The following EXOC2 variants were observed in gnomAD, a reference collection of about 807,000 sequenced individuals.
EXOC2 encodes the protein exocyst complex component 2.
Under a neutral mutation model 131.8 loss-of-function variants are expected in EXOC2, and 70 were observed. The observed-to-expected ratio is 0.53, with a 90% confidence interval of 0.44 to 0.65. The LOEUF (loss-of-function observed/expected upper bound fraction) is 0.65. Ranked by LOEUF, EXOC2 falls within the 30% of genes least tolerant of loss-of-function variation. EXOC2 has a pLI of 0.00. For missense variants in EXOC2, 923 were observed against 1,108.6 expected (o/e 0.83, Z 2.38); for synonymous variants, 411 against 398.4 (o/e 1.03, Z -0.38).
intron 1 of EXOC2, among the ~76,000 whole-genome samples, chr6:683,859 C>T (rs547943746): frequency 3.9e-5 from 6 of 152,256 alleles, no homozygotes; most frequent in South Asian, 2.1e-4. Context: ...ATTTCTGAGC[C>T]GTGAGGGATT....
intron 1 of EXOC2, among the ~76,000 whole-genome samples, chr6:690,909 G>A (rs894961616): frequency 6.6e-6 from 1 of 152,132 alleles, no homozygotes; most frequent in Non-Finnish European, 1.5e-5. Flanking sequence ...CTAGTACACC[G>A]CTTAGCAGAG....
At chr6:510,043 T>C (rs1234944369) in intron 23 of EXOC2, among the ~76,000 whole-genome samples, 4 of 152,182 alleles carry the variant, frequency 2.6e-5, no homozygotes, top group African/African-American at 4.8e-5. Context: ...TGTATTTTTT[T>C]CAAGTGAATT....
At chr6:608,902 T>G (rs528265943) in intron 7 of EXOC2, among the ~76,000 whole-genome samples, 2 of 152,334 alleles carry the variant, frequency 1.3e-5, no homozygotes, top group Admixed American at 1.3e-4. Flanking sequence ...TCTTAAAATG[T>G]CTGACTATGC....
chr6:580,718 A>G (rs1758843985), intron 11 of EXOC2, among the ~76,000 whole-genome samples: 1 of 152,170 alleles, frequency 6.6e-6, no homozygotes, highest in South Asian at 2.1e-4. Context: ...CCTGTAAAAT[A>G]TACCTGTAAA....
chr6:521,285 G>A (rs1415868094), intron 23 of EXOC2, among the ~76,000 whole-genome samples: 16 of 147,714 alleles, frequency 1.1e-4, no homozygotes, highest in South Asian at 6.7e-4. Flanking sequence ...CCCACCGAGC[G>A]CCGACACTCA....
At chr6:556,371 C>T (rs1757420449) in intron 18 of EXOC2, 113 bp downstream of exon 18, 1 of 1,083,182 alleles carries the variant, frequency 9.2e-7, no homozygotes, top group Non-Finnish European at 1.4e-6. Context: ...CTAAATGGAA[C>T]AAGCAGGCGA....
intron 2 of EXOC2, 72 bp from the exon 3 acceptor site, chr6:633,189 T>C: frequency 1.3e-6 from 2 of 1,493,720 alleles, no homozygotes; most frequent in Non-Finnish European, 1.8e-6. Context: ...GTAGATTACA[T>C]TTTTTAAATC....
chr6:508,206 T>C (rs1581331564), intron 23 of EXOC2, among the ~76,000 whole-genome samples: 1 of 152,076 alleles, frequency 6.6e-6, no homozygotes, highest in Non-Finnish European at 1.5e-5. Context: ...ACATATGCCG[T>C]CCCGCCCGCC....
intron 17 of EXOC2, 79 bp from the exon 18 acceptor site, chr6:556,643 C>T (rs1164062826): frequency 2.8e-6 from 4 of 1,434,460 alleles, no homozygotes; most frequent in Non-Finnish European, 3.9e-6. Flanking sequence ...GCGAATATGG[C>T]CCCAAGCCCC....
At chr6:490,036 G>A (rs1043279495) in intron 26 of EXOC2, among the ~76,000 whole-genome samples, 6 of 152,160 alleles carry the variant, frequency 3.9e-5, no homozygotes, top group African/African-American at 9.7e-5. Context: ...AGCCACTGCC[G>A]CTACCTCCAC....
intron 13 of EXOC2, 94 bp from the exon 14 acceptor site, chr6:565,023 G>A (rs1757902165): frequency 2.2e-6 from 2 of 907,414 alleles, no homozygotes; most frequent in African/African-American, 1.7e-5. Flanking sequence ...CATTAAATAT[G>A]GTTATAACTT....
chr6:628,042 G>T (rs1184339634), intron 4 of EXOC2, among the ~76,000 whole-genome samples: 2 of 152,162 alleles, frequency 1.3e-5, no homozygotes, highest in African/African-American at 4.8e-5. Flanking sequence ...TATCCAAGAA[G>T]AGCAAAGAAT....
chr6:567,424 A>T (rs1758026134), intron 13 of EXOC2, among the ~76,000 whole-genome samples: 1 of 152,354 alleles, frequency 6.6e-6, no homozygotes, highest in African/African-American at 2.4e-5. Context: ...ATTCTGTCTT[A>T]CAACCCTATT....
At chr6:600,315 A>G (rs933849077) in intron 7 of EXOC2, among the ~76,000 whole-genome samples, 2 of 152,252 alleles carry the variant, frequency 1.3e-5, no homozygotes, top group Admixed American at 1.3e-4. Context: ...CATTTCTATT[A>G]TAAGATGAGA....
At position 549,216 on chromosome 6, in the gene EXOC2, A is replaced by G. The variant is rs770155101; in HGVS notation, c.2197T>C (p.Phe733Leu). ...ATTCCCTGGAAGTTGTGCTTTTCAA[A>G]ATGTTCTGCGATATTTAGGAAGGTG... ...RHTFLNIAEH[F>L]EKHNFQGIEK... Residue 733 changes from phenylalanine to leucine, a missense_variant, in exon 22 of 28, where the codon TTT becomes CTT. Physicochemically the swap from Phe to Leu is conservative, Grantham distance 22. Transcript: ENST00000230449. 2 of 1,614,094 alleles carry G rather than the reference A, an allele frequency of 1.2e-6. No individual in the cohort carries two copies. Among genetic ancestry groups the G allele is most frequent in the Admixed American group, 1.7e-5 (1 of 60,010 alleles).
chr6:507,294 T>TACACAC (rs70982901), intron 23 of EXOC2, among the ~76,000 whole-genome samples: 1 of 71,624 alleles, frequency 1.4e-5, no homozygotes, highest in Non-Finnish European at 2.4e-5. Flanking sequence ...CAGCAGTGAC[T>TACACAC]ACACACACAC....
chr6:578,282 A>G (rs1758693652), intron 11 of EXOC2, among the ~76,000 whole-genome samples: 1 of 152,238 alleles, frequency 6.6e-6, no homozygotes, highest in Admixed American at 6.5e-5. Flanking sequence ...AAACTATTCA[A>G]TAACATTTAA....
At chr6:545,172 A>C (rs1027076812) in intron 22 of EXOC2, among the ~76,000 whole-genome samples, 18 of 151,850 alleles carry the variant, frequency 1.2e-4, no homozygotes, top group African/African-American at 9.7e-5. Context: ...AAAAAAAAAA[A>C]AAAAAACTTC....
chr6:592,561 C>T lies in EXOC2; in HGVS notation c.1100G>A (p.Gly367Asp). 2 of 1,614,072 alleles carry T rather than the reference C, an allele frequency of 1.2e-6. No individual in the cohort carries two copies. Among genetic ancestry groups the T allele is most frequent in the South Asian group, 1.1e-5 (1 of 91,080 alleles). ...IRYLSDLHAS[G>D]DPAWQCIGAQ... ...TCCAATGCATTGCCAAGCAGGGTCA[C>T]CAGACGCATGAAGGTCAGACAGGTA... Residue 367 changes from glycine to aspartate, a missense_variant, in exon 11 of 28, where the codon GGT becomes GAT. Coordinates refer to ENST00000230449, the MANE Select transcript of EXOC2 (RefSeq NM_018303.6).
Sources: gnomAD v4.1 joint callset for allele counts (sites outside exome capture counted in the v4.1 genomes callset) on GRCh38, gnomAD v4.1.1 for gene constraint, MANE v1.5 for transcripts, NCBI Gene and HGNC (gene_info 2026-07-23, HGNC 2026-07-21) for gene names.